LAMA3: variants seen among roughly 807,000 people sequenced by gnomAD.
The protein encoded by LAMA3 is laminin subunit alpha-3.
A neutral mutation model predicts 402.0 loss-of-function variants in LAMA3; 281 were observed. The observed-to-expected ratio is 0.70, with a 90% CI of 0.63 to 0.77. The LOEUF is 0.77. LAMA3 is among the 30% of genes least tolerant of loss of function. LAMA3 has a pLI of 0.00. For missense variants in LAMA3, 3,840 were observed against 4,215.5 expected (o/e 0.91, Z 2.47); for synonymous variants, 1,431 against 1,558.4 (o/e 0.92, Z 1.93).
intron 13 of LAMA3, 100 bp downstream of exon 13, chr18:23,810,603 GGCCACCCCCACATCCT>G: frequency 7.6e-7 from 1 of 1,314,948 alleles, no homozygotes; most frequent in Non-Finnish European, 1.1e-6. Flanking sequence ...ACTCACCACT[GGCCACCCCCACATCCT>G]GCTTTCACAG....
intron 9 of LAMA3, among the ~76,000 whole-genome samples, chr18:23,774,288 A>G (rs1440439332): frequency 6.6e-6 from 1 of 152,236 alleles, no homozygotes; most frequent in African/African-American, 2.4e-5. Context: ...AGGATTTAAT[A>G]ATAGTCACAT....
At chr18:23,699,531 G>A (rs1388957435) in intron 1 of LAMA3, among the ~76,000 whole-genome samples, 1 of 152,218 alleles carries the variant, frequency 6.6e-6, no homozygotes, top group Non-Finnish European at 1.5e-5. Flanking sequence ...TGAGGAAGGT[G>A]TCTGGTTCTC....
intron 2 of LAMA3, among the ~76,000 whole-genome samples, chr18:23,717,542 C>CTTTT (rs138974380): frequency 1.1e-4 from 7 of 64,856 alleles, no homozygotes; most frequent in African/African-American, 1.2e-4. Flanking sequence ...TGGACTTGAT[C>CTTTT]TTTTTTTTTT....
At chr18:23,753,343 A>G (rs771804005) in intron 5 of LAMA3, among the ~76,000 whole-genome samples, 34 of 152,236 alleles carry the variant, frequency 2.2e-4, no homozygotes, top group Admixed American at 9.8e-4. Context: ...TTTAGTTTTG[A>G]TAAATAAATA....
intron 64 of LAMA3, among the ~76,000 whole-genome samples, chr18:23,929,175 TGCAGCAGCA>T (rs1026596067): frequency 5.9e-5 from 9 of 152,122 alleles, no homozygotes; most frequent in African/African-American, 2.2e-4. Context: ...ATTGCCTTTT[TGCAGCAGCA>T]GCAGCAGCAG....
intron 27 of LAMA3, 39 bp from the exon 28 acceptor site, chr18:23,842,356 G>A (rs746710178): frequency 3.1e-6 from 5 of 1,613,204 alleles, no homozygotes; most frequent in African/African-American, 1.3e-5. Context: ...TTCAGCTTGA[G>A]GGTTTTTAAT....
At chr18:23,701,636 A>G (rs2060790926) in intron 1 of LAMA3, among the ~76,000 whole-genome samples, 1 of 152,248 alleles carries the variant, frequency 6.6e-6, no homozygotes, top group South Asian at 2.1e-4. Flanking sequence ...AGCAAAATTG[A>G]TGAAGCCCTG....
intron 3 of LAMA3, among the ~76,000 whole-genome samples, chr18:23,748,420 C>CAAAAA (rs749355061): frequency 1.1e-5 from 1 of 88,304 alleles, no homozygotes; most frequent in Non-Finnish European, 2.5e-5. Context: ...GACTCTGTCT[C>CAAAAA]AAAAAAAAAA....
Position 23,689,835 on chromosome 18 carries a change from A to T in LAMA3, c.152A>T (p.Tyr51Phe). Residue 51 changes from tyrosine to phenylalanine, a missense_variant, in exon 1 of 75, where the codon TAC becomes TTC. Physicochemically the swap from Tyr to Phe is conservative, Grantham distance 22. Around this residue, in one of 3 missense-constraint regions of LAMA3, gnomAD observed 2,109 missense variants for 2,376.0 expected, o/e 0.89. Coordinates refer to ENST00000313654, the MANE Select transcript of LAMA3 (RefSeq NM_198129.4). The part of the protein sequence containing the change: ...AAAGLSLHPT[Y>F]FNLAEAARIW... ...GCCGGGCTCAGCCTTCACCCGACTTACTTCAACCTGGCCGAGGCGGCGAGG... is the reference window on the plus strand; with the variant it reads ...GCCGGGCTCAGCCTTCACCCGACTTTCTTCAACCTGGCCGAGGCGGCGAGG... The T allele has an allele frequency of 6.4e-7, 1 of 1,553,206 alleles. No individual in the cohort carries two copies. The highest frequency in any genetic ancestry group is 8.7e-7 in the Non-Finnish European group (1 of 1,149,020).
chr18:23,809,966 C>T (rs1207624606), intron 12 of LAMA3, among the ~76,000 whole-genome samples: 1 of 152,108 alleles, frequency 6.6e-6, no homozygotes, highest in African/African-American at 2.4e-5. Context: ...CATCCTCCTC[C>T]TACAAATACT....
chr18:23,900,195 G>T (rs904153749), intron 47 of LAMA3, among the ~76,000 whole-genome samples: 1 of 151,996 alleles, frequency 6.6e-6, no homozygotes, highest in African/African-American at 2.4e-5. Context: ...CTCAGACTGA[G>T]CAATAGCTGG....
At chr18:23,871,017 G>A (rs572753541) in intron 37 of LAMA3, among the ~76,000 whole-genome samples, 1 of 152,236 alleles carries the variant, frequency 6.6e-6, no homozygotes, top group South Asian at 2.1e-4. Context: ...TAATATAAAC[G>A]TTTGTGCAAG....
At chr18:23,699,529 G>T (rs1231416391) in intron 1 of LAMA3, among the ~76,000 whole-genome samples, 2 of 152,196 alleles carry the variant, frequency 1.3e-5, no homozygotes, top group Non-Finnish European at 2.9e-5. Context: ...CTTGAGGAAG[G>T]TGTCTGGTTC....
chr18:23,715,399 G>A (rs367634790), intron 2 of LAMA3, among the ~76,000 whole-genome samples: 2 of 152,216 alleles, frequency 1.3e-5, no homozygotes, highest in South Asian at 4.2e-4. Context: ...TGATAACTGA[G>A]CAGCAAATGA....
At chr18:23,690,584 G>A (rs748647777) in intron 1 of LAMA3, among the ~76,000 whole-genome samples, 6 of 152,112 alleles carry the variant, frequency 3.9e-5, no homozygotes, top group African/African-American at 1.4e-4. Context: ...GAACACCCGG[G>A]GCAAACGACA....
intron 20 of LAMA3, 100 bp downstream of exon 20, chr18:23,822,475 G>C: frequency 7.7e-7 from 1 of 1,304,750 alleles, no homozygotes; most frequent in South Asian, 1.2e-5. Flanking sequence ...CTTAGAAAAT[G>C]TCAAGCCTGG....
At position 23,839,388 on chromosome 18, in the gene LAMA3, G is replaced by A. The variant is rs980035805; in HGVS notation, c.3192-397G>A. Among the ~76,000 whole-genome samples the A allele has an allele frequency of 6.6e-6, 1 of 152,150 alleles. No homozygotes were observed. Among genetic ancestry groups the A allele is most frequent in the African/African-American group, 2.4e-5 (1 of 41,428 alleles). ...GGAACTACCAACACAATGTGATTCTGGTTGTGCGTAAAAGAGACGATGTAT... is the reference window on the plus strand; with the variant it reads ...GGAACTACCAACACAATGTGATTCTAGTTGTGCGTAAAAGAGACGATGTAT... On this transcript the variant is annotated intron_variant, in intron 26 of 74. Coordinates refer to ENST00000313654, the MANE Select transcript of LAMA3 (RefSeq NM_198129.4). The surrounding 1 kb of genome is among the most constrained non-coding windows in gnomAD (Gnocchi z 4.5).
chr18:23,862,419 T>C (rs2064246012), intron 35 of LAMA3, among the ~76,000 whole-genome samples: 1 of 152,084 alleles, frequency 6.6e-6, no homozygotes, highest in Admixed American at 6.5e-5. Flanking sequence ...TGAGGTGACA[T>C]ATGTTTCTTA....
rs530466104 is a variant in LAMA3 at position 23,852,363 on chromosome 18, A to G, written c.4136+4695A>G. 4.6e-5 allele frequency among the ~76,000 whole-genome samples: 7 copies of G among 152,310 alleles called. No individual in the cohort carries two copies. In the South Asian group the frequency reaches 1.5e-3, roughly 32 times the overall value. On this transcript the variant is annotated intron_variant, in intron 32 of 74. Transcript: ENST00000313654. ...TAAATGCATACATGTTTATGATTTT[A>G]TCTTCTTTTTGTTTTATGGCAGCCT...
Sources: allele counts gnomAD v4.1 joint callset (sites outside exome capture counted in the v4.1 genomes callset), GRCh38; gene constraint gnomAD v4.1.1; regional missense constraint gnomAD v4.1.1; non-coding constraint Gnocchi (gnomAD v3.1); transcripts MANE v1.5; gene names NCBI Gene and HGNC (gene_info 2026-07-23, HGNC 2026-07-21).